PDCD6: variants seen among roughly 807,000 people sequenced by gnomAD.
The protein encoded by PDCD6 is programmed cell death protein 6.
A neutral mutation model predicts 28.3 loss-of-function variants in PDCD6; 12 were observed. The observed-to-expected ratio is 0.42, with a 90% CI of 0.27 to 0.69. The LOEUF (loss-of-function observed/expected upper bound fraction) is 0.69, where lower values mean the gene tolerates loss of function less well. Ranked by LOEUF, PDCD6 falls within the 30% of genes least tolerant of loss-of-function variation. PDCD6 has a pLI of 0.22. For synonymous variants in PDCD6, 92 were observed against 108.0 expected (o/e 0.85, Z 0.92); for missense variants, 226 against 269.9 (o/e 0.84, Z 1.14).
At chr5:298,135 C>T (rs1739736641) in intron 2 of PDCD6, among the ~76,000 whole-genome samples, 1 of 152,212 alleles carries the variant, frequency 6.6e-6, no homozygotes, top group Non-Finnish European at 1.5e-5. Context: ...CAGCTCTGCT[C>T]ATGATTTCAG....
chr5:286,089 G>A, intron 2 of PDCD6, among the ~76,000 whole-genome samples: 1 of 136,556 alleles, frequency 7.3e-6, no homozygotes. Flanking sequence ...TGCAGCTGAG[G>A]ACCCAGGGGG....
chr5:281,433 C>A (rs1579487921), intron 2 of PDCD6, among the ~76,000 whole-genome samples: 1 of 152,070 alleles, frequency 6.6e-6, no homozygotes, highest in East Asian at 1.9e-4. Flanking sequence ...GCTGGTGCTG[C>A]CACTGATGTC....
Position 309,699 on chromosome 5 carries a change from G to T in PDCD6, c.368-1594G>T, listed in dbSNP as rs2016595. 3.1e-3 allele frequency: 165 copies of T among 53,498 alleles called. 2 individuals are homozygous for T. Among genetic ancestry groups the T allele is most frequent in the Non-Finnish European group, 3.9e-3 (91 of 23,300 alleles). The allele number at this position is 53,498 out of a possible 1,614,324, so 3.3% of individuals were successfully genotyped here. A position where few individuals can be genotyped will look rare whatever the true frequency, so the allele number is the denominator to read the frequency against. On this transcript the variant is annotated intron_variant, in intron 4 of 5. Transcript: ENST00000264933. ...CCGCCGTCCCCGTGCACCCCAGTGA[G>T]GGCCGCCGTCCCCGTGCACCCCAGT...
intron 2 of PDCD6, among the ~76,000 whole-genome samples, chr5:281,977 G>T: frequency 1.9e-5 from 2 of 107,310 alleles, no homozygotes; most frequent in African/African-American, 1.2e-4. Flanking sequence ...TGAGGGTCAT[G>T]CAGCTGAAGA....
intron 4 of PDCD6, among the ~76,000 whole-genome samples, 158 bp downstream of exon 4, chr5:306,918 G>A (rs953749090): frequency 7.2e-5 from 11 of 152,134 alleles, no homozygotes; most frequent in Admixed American, 1.3e-4. Flanking sequence ...TGCTCATGTC[G>A]GAAGGCGATC....
At chr5:301,739 C>G (rs1740067636) in intron 2 of PDCD6, among the ~76,000 whole-genome samples, 1 of 149,740 alleles carries the variant, frequency 6.7e-6, no homozygotes. Flanking sequence ...GGGGAGAGCA[C>G]AGCTTCCCTG....
chr5:313,534 T>C (rs1230013958), intron 5 of PDCD6, among the ~76,000 whole-genome samples: 1 of 152,106 alleles, frequency 6.6e-6, no homozygotes, highest in Non-Finnish European at 1.5e-5. Context: ...TGTAAACAGC[T>C]CACTGCAGCC....
intron 2 of PDCD6, chr5:276,331 G>A (rs1177690558): frequency 9.2e-6 from 10 of 1,081,512 alleles, no homozygotes; most frequent in African/African-American, 3.4e-5. Context: ...GGGGGCTCAC[G>A]TTTTCATAGT....
intron 2 of PDCD6, among the ~76,000 whole-genome samples, chr5:286,719 C>G (rs1408484507): frequency 6.6e-6 from 1 of 151,356 alleles, no homozygotes; most frequent in East Asian, 2.0e-4. Flanking sequence ...GCTGATGTTC[C>G]CGTTTGAGGG....
chr5:274,601 G>A (rs1193718450), intron 2 of PDCD6, among the ~76,000 whole-genome samples: 2 of 152,216 alleles, frequency 1.3e-5, no homozygotes, highest in East Asian at 1.9e-4. Context: ...TGGCTAACAA[G>A]CCAGCTCAAA....
At chr5:302,431 T>G (rs11743731) in intron 2 of PDCD6, among the ~76,000 whole-genome samples, 1 of 101,420 alleles carries the variant, frequency 9.9e-6, no homozygotes, top group African/African-American at 5.9e-5. Context: ...CACCTGCCTT[T>G]GTGGGGAGAG....
intron 2 of PDCD6, chr5:276,660 A>G (rs554146133): frequency 1.0e-6 from 1 of 977,556 alleles, no homozygotes; most frequent in Non-Finnish European, 1.2e-6. Flanking sequence ...GAACTAAATT[A>G]TTAGGCTATT....
chr5:293,317 G>A (rs1347945605), intron 2 of PDCD6, among the ~76,000 whole-genome samples: 1 of 147,534 alleles, frequency 6.8e-6, no homozygotes, highest in Non-Finnish European at 1.5e-5. Flanking sequence ...GACAGGAAGA[G>A]CAGATCAAGA....
intron 5 of PDCD6, among the ~76,000 whole-genome samples, chr5:312,567 AC>A (rs926715493): frequency 2.0e-5 from 3 of 152,044 alleles, no homozygotes; most frequent in Non-Finnish European, 4.4e-5. Context: ...TCAAAACTCT[AC>A]GGTTGGGGAC....
rs373194951 is a variant in PDCD6, at chr5:311,288, T to C, written c.368-5T>C. 339 of 1,612,542 alleles carry C rather than the reference T, an allele frequency of 2.1e-4. 2 individuals are homozygous for C. The African/African-American group carries it at 3.8e-3, about 18-fold the overall frequency. Reference sequence around the variant, plus strand: ...CTTCTCTGACTCTGACTTTCCCTCTTGAAGGCTACCGGCTCTCTGACCAGT... The same window carrying C: ...CTTCTCTGACTCTGACTTTCCCTCTCGAAGGCTACCGGCTCTCTGACCAGT... On this transcript the variant is annotated splice_region_variant and splice_polypyrimidine_tract_variant and intron_variant, in intron 4 of 5. Transcript: ENST00000264933.
intron 2 of PDCD6, among the ~76,000 whole-genome samples, chr5:285,705 G>T (rs1459857411): frequency 6.6e-6 from 1 of 151,904 alleles, no homozygotes; most frequent in Admixed American, 6.6e-5. Context: ...GGCGACCCGG[G>T]GGCGGGCTGA....
chr5:299,706 T>C (rs188679540), intron 2 of PDCD6, among the ~76,000 whole-genome samples: 2,899 of 152,198 alleles, frequency 0.019, 79 homozygotes, highest in African/African-American at 0.061. Context: ...CACGCCGCCA[T>C]GCCTGGCTAA....
intron 2 of PDCD6, among the ~76,000 whole-genome samples, chr5:278,810 G>C (rs1403601293): frequency 6.8e-6 from 1 of 148,076 alleles, no homozygotes; most frequent in Non-Finnish European, 1.5e-5. Context: ...TGGGGATGCA[G>C]GGGAGGGTGC....
At chr5:284,908 G>A (rs1738846220) in intron 2 of PDCD6, among the ~76,000 whole-genome samples, 1 of 149,840 alleles carries the variant, frequency 6.7e-6, no homozygotes, top group African/African-American at 2.4e-5. Context: ...GGGTCTTGCA[G>A]CTGGAGACCC....
Sources: gnomAD v4.1 joint callset for allele counts (sites outside exome capture counted in the v4.1 genomes callset) on GRCh38, gnomAD v4.1.1 for gene constraint, MANE v1.5 for transcripts, NCBI Gene and HGNC (gene_info 2026-07-23, HGNC 2026-07-21) for gene names.